CHRM3: variants seen among roughly 807,000 people sequenced by gnomAD.
CHRM3 encodes cholinergic receptor muscarinic 3, also known as muscarinic acetylcholine receptor M3.
CHRM3 carries 11 observed loss-of-function variants against 41.8 expected under a neutral mutation model. That is an observed-to-expected ratio of 0.26 (90% CI 0.17 to 0.44). CHRM3 has a LOEUF of 0.44. CHRM3 is among the 20% of genes least tolerant of loss of function. The pLI, the probability that CHRM3 is intolerant of heterozygous loss-of-function variation, is 1.00. For missense variants in CHRM3, 571 were observed against 745.4 expected, an observed-to-expected ratio of 0.77 and a Z score of 2.72; for synonymous variants, 297 against 301.4, an observed-to-expected ratio of 0.99 and a Z score of 0.15.
At chr1:239,903,240 C>T (rs376089625) in intron 6 of CHRM3, among the ~76,000 whole-genome samples, 2 of 152,166 alleles carry the variant, frequency 1.3e-5, no homozygotes, top group East Asian at 1.9e-4. Flanking sequence ...AGGCTAATTT[C>T]GAAAATTTTT....
intron 5 of CHRM3, among the ~76,000 whole-genome samples, chr1:239,777,797 A>G (rs1184240678): frequency 2.0e-5 from 3 of 152,216 alleles, no homozygotes; most frequent in Non-Finnish European, 2.9e-5. Flanking sequence ...GGTTCTGCTT[A>G]GGATATTAGC....
At chr1:239,875,967 A>G (rs1377278808) in intron 6 of CHRM3, among the ~76,000 whole-genome samples, 1 of 152,182 alleles carries the variant, frequency 6.6e-6, no homozygotes, top group East Asian at 1.9e-4. Context: ...GGAGAAGGAA[A>G]TAGCATCCCT....
intron 5 of CHRM3, among the ~76,000 whole-genome samples, chr1:239,796,408 C>T (rs1669773715): frequency 6.6e-6 from 1 of 152,116 alleles, no homozygotes; most frequent in South Asian, 2.1e-4. Flanking sequence ...GGAACGTATA[C>T]CACCAAAGGT....
intron 6 of CHRM3, among the ~76,000 whole-genome samples, chr1:239,855,863 T>C (rs1166040659): frequency 6.6e-6 from 1 of 152,196 alleles, no homozygotes; most frequent in Non-Finnish European, 1.5e-5. Context: ...TCATATTTAT[T>C]TGATGCATTT....
intron 3 of CHRM3, among the ~76,000 whole-genome samples, chr1:239,623,853 A>AT (rs1372504503): frequency 8.5e-4 from 1 of 1,170 alleles, no homozygotes; most frequent in Non-Finnish European, 2.5e-3. Context: ...GCTGCATAGT[A>AT]TTCCATGGTG....
intron 6 of CHRM3, among the ~76,000 whole-genome samples, chr1:239,847,947 G>T (rs1416184341): frequency 1.4e-5 from 2 of 141,442 alleles, no homozygotes; most frequent in East Asian, 3.9e-4. Context: ...GAGAAGAGAG[G>T]AGGGGAGGGG....
At chr1:239,495,110 T>C (rs1228763502) in intron 2 of CHRM3, among the ~76,000 whole-genome samples, 3 of 152,202 alleles carry the variant, frequency 2.0e-5, no homozygotes, top group East Asian at 1.9e-4. Context: ...TTTATTCCAA[T>C]GGATAATGAA....
chr1:239,869,190 G>A (rs961902001), intron 6 of CHRM3, among the ~76,000 whole-genome samples: 8 of 152,074 alleles, frequency 5.3e-5, no homozygotes, highest in South Asian at 2.1e-4. Flanking sequence ...GGTGGGGAGC[G>A]CACCTGGGCA....
At chr1:239,425,017 T>C (rs1273788125) in intron 1 of CHRM3, among the ~76,000 whole-genome samples, 1 of 152,186 alleles carries the variant, frequency 6.6e-6, no homozygotes, top group Non-Finnish European at 1.5e-5. Flanking sequence ...GGCGGAGTGA[T>C]TGACAGGCTT....
intron 2 of CHRM3, among the ~76,000 whole-genome samples, chr1:239,503,086 A>G (rs1343221156): frequency 6.6e-6 from 1 of 152,214 alleles, no homozygotes; most frequent in African/African-American, 2.4e-5. Flanking sequence ...AAAGAAATAA[A>G]GGGCATCCAA....
chr1:239,803,827 GTGGGTC>G (rs1335410206), intron 5 of CHRM3, among the ~76,000 whole-genome samples: 2 of 152,192 alleles, frequency 1.3e-5, no homozygotes, highest in Non-Finnish European at 2.9e-5. Context: ...AAGCAGAATA[GTGGGTC>G]ACCCACCCAC....
intron 6 of CHRM3, among the ~76,000 whole-genome samples, chr1:239,870,922 A>T (rs936723483): frequency 7.2e-5 from 11 of 152,088 alleles, no homozygotes; most frequent in Non-Finnish European, 1.5e-4. Context: ...AGCAGGGATT[A>T]AAAAAACGAT....
intron 5 of CHRM3, among the ~76,000 whole-genome samples, chr1:239,778,919 A>G (rs1184001700): frequency 1.3e-5 from 2 of 152,172 alleles, no homozygotes; most frequent in Non-Finnish European, 2.9e-5. Flanking sequence ...TTATAGTTTC[A>G]AGAAGGTGCT....
At chr1:239,892,725 C>G (rs1239299803) in intron 6 of CHRM3, among the ~76,000 whole-genome samples, 1 of 152,066 alleles carries the variant, frequency 6.6e-6, no homozygotes, top group Non-Finnish European at 1.5e-5. Flanking sequence ...TGATGCTGAG[C>G]TCTGCAACAT....
intron 6 of CHRM3, among the ~76,000 whole-genome samples, chr1:239,834,148 T>TCTCA (rs1553278786): frequency 5.2e-4 from 70 of 135,318 alleles, no homozygotes; most frequent in Middle Eastern, 3.7e-3. Flanking sequence ...TAATTCCACA[T>TCTCA]CACACACACA....
At chr1:239,674,664 T>C (rs1254057486) in intron 4 of CHRM3, among the ~76,000 whole-genome samples, 5 of 144,272 alleles carry the variant, frequency 3.5e-5, no homozygotes, top group Admixed American at 1.4e-4. Context: ...GAGCCAAGAT[T>C]GCGCCACTGC....
At chr1:239,765,102 G>A (rs1667097386) in intron 5 of CHRM3, among the ~76,000 whole-genome samples, 1 of 152,224 alleles carries the variant, frequency 6.6e-6, no homozygotes, top group Non-Finnish European at 1.5e-5. Flanking sequence ...CCTAATTTTA[G>A]AGATGAGGTG....
intron 5 of CHRM3, among the ~76,000 whole-genome samples, chr1:239,686,440 T>C (rs2149121894): frequency 6.6e-6 from 1 of 152,286 alleles, no homozygotes. Context: ...GGTGTTCACC[T>C]TCAAGACTCA....
At chr1:239,606,371 G>A (rs1322026518) in intron 3 of CHRM3, among the ~76,000 whole-genome samples, 1 of 151,902 alleles carries the variant, frequency 6.6e-6, no homozygotes, top group Admixed American at 6.6e-5. Flanking sequence ...CGCCTCCTGG[G>A]TTCATGCCAT....
Sources: gnomAD v4.1 joint callset for allele counts (sites outside exome capture counted in the v4.1 genomes callset) on GRCh38, gnomAD v4.1.1 for gene constraint, MANE v1.5 for transcripts, NCBI Gene and HGNC (gene_info 2026-07-23, HGNC 2026-07-21) for gene names.